The following CHKA variants were observed in gnomAD, a reference collection of about 807,000 sequenced individuals.
The protein encoded by CHKA is choline kinase alpha.
In CHKA, 34 loss-of-function variants were observed where a neutral mutation model predicts 60.1. That is an observed-to-expected ratio of 0.57 (90% CI 0.43 to 0.75). The LOEUF (loss-of-function observed/expected upper bound fraction) is 0.75, where lower values mean the gene tolerates loss of function less well. Ranked by LOEUF, CHKA falls within the 30% of genes least tolerant of loss-of-function variation. The pLI is 0.00. For missense variants in CHKA, 563 were observed against 561.3 expected, an observed-to-expected ratio of 1.00 and a Z score of -0.03; for synonymous variants, 217 against 223.1, an observed-to-expected ratio of 0.97 and a Z score of 0.24.
intron 2 of CHKA, among the ~76,000 whole-genome samples, chr11:68,085,795 A>C (rs1487937717): frequency 6.6e-6 from 1 of 151,706 alleles, no homozygotes. Context: ...ACAGCGTCTC[A>C]CTCTGTCACC....
chr11:68,088,317 A>G (rs1447369134), intron 2 of CHKA, among the ~76,000 whole-genome samples: 1 of 152,094 alleles, frequency 6.6e-6, no homozygotes, highest in East Asian at 1.9e-4. Flanking sequence ...ATTCGGATTC[A>G]ATTCAGTAGC....
intron 11 of CHKA, 61 bp from the exon 12 acceptor site, chr11:68,054,108 G>T: frequency 7.0e-7 from 1 of 1,428,758 alleles, no homozygotes; most frequent in Non-Finnish European, 9.8e-7. Flanking sequence ...CCCTGCCCAT[G>T]TGTCCCCCAA....
intron 1 of CHKA, among the ~76,000 whole-genome samples, chr11:68,099,123 C>A (rs773047990): frequency 4.6e-5 from 7 of 151,986 alleles, no homozygotes; most frequent in Non-Finnish European, 1.0e-4. Flanking sequence ...CTGTCCAGAA[C>A]AAGGAAATCT....
intron 2 of CHKA, chr11:68,081,952 C>G (rs1453087802): frequency 6.5e-6 from 1 of 153,052 alleles, no homozygotes; most frequent in Non-Finnish European, 1.5e-5. Context: ...GGCACAAAAT[C>G]TGTGCAGACA....
intron 1 of CHKA, among the ~76,000 whole-genome samples, chr11:68,117,960 C>A (rs1858454978): frequency 6.6e-6 from 1 of 152,136 alleles, no homozygotes; most frequent in South Asian, 2.1e-4. Flanking sequence ...TGGGGGAATG[C>A]AGAGTTAGAA....
chr11:68,072,692 T>A (rs1286844182), intron 4 of CHKA, among the ~76,000 whole-genome samples: 1 of 152,062 alleles, frequency 6.6e-6, no homozygotes, highest in African/African-American at 2.4e-5. Flanking sequence ...AACAGAATTT[T>A]AAAAAAATCT....
chr11:68,084,459 TA>T (rs1857115518), intron 2 of CHKA, among the ~76,000 whole-genome samples: 1 of 146,268 alleles, frequency 6.8e-6, no homozygotes, highest in East Asian at 2.0e-4. Context: ...TGTGTATATA[TA>T]TATAGGAATC....
chr11:68,081,455 C>T lies in CHKA; in HGVS notation c.465G>A (p.Arg155=). Residue 155 remains arginine (R), a splice_region_variant and synonymous_variant, in exon 3 of 12, where the codon AGG becomes AGA. Transcript: ENST00000265689. ...GTTCGGATCCCTCTTTATTACAGGA[C>T]CTCTATGAATGAGAAAAAGGAAACA... is the stretch of plus-strand genomic sequence containing the variant. ...LRLYGAILQM[R]SCNKEGSEQA... is the part of the protein sequence containing the mutation. 1 of 1,612,662 alleles carries T rather than the reference C, an allele frequency of 6.2e-7. No homozygotes were observed.
Position 68,081,395 on chromosome 11 carries a change from A to G in CHKA, c.516+9T>C. 1 of 1,611,580 alleles carries G rather than the reference A, an allele frequency of 6.2e-7. No homozygotes were observed. Among genetic ancestry groups the G allele is most frequent in the South Asian group, 1.1e-5 (1 of 91,038 alleles). On this transcript the variant is annotated intron_variant, in intron 3 of 11. Transcript: ENST00000265689. The stretch of plus-strand genomic sequence containing the variant: ...TCTCACACAGATGCAGAAAGACTGA[A>G]TTACTTACTTGAAATTCATTTTCTT...
In CHKA at chr11:68,120,843, T is replaced by A; in HGVS notation, c.335A>T (p.His112Leu). ...AWRGLREDEF[H>L]ISVIRGGLSN... ...CGCCACCGACCTGATGACACTGATG[T>A]GGAACTCGTCCTCGCGGAGGCCCCG... The change falls in exon 1 of 12, where the codon CAC (histidine) becomes CTC (leucine). Residue 112 changes from histidine to leucine, a missense_variant. Coordinates refer to ENST00000265689, the MANE Select transcript of CHKA (RefSeq NM_001277.3). The A allele has an allele frequency of 7.5e-7, 1 of 1,327,602 alleles. No homozygotes were observed. The highest frequency in any genetic ancestry group is 1.5e-5 in the African/African-American group (1 of 64,848). The allele number at this position is 1,327,602 out of a possible 1,614,324, so 82.2% of individuals were successfully genotyped here.
chr11:68,103,273 T>A (rs1232517656), intron 1 of CHKA, among the ~76,000 whole-genome samples: 2 of 152,004 alleles, frequency 1.3e-5, no homozygotes, highest in Non-Finnish European at 2.9e-5. Context: ...GAGGATCACT[T>A]GAGCCTGGGA....
intron 3 of CHKA, among the ~76,000 whole-genome samples, chr11:68,080,351 CT>C (rs1203308489): frequency 8.8e-5 from 13 of 148,092 alleles, no homozygotes; most frequent in Admixed American, 2.0e-4. Context: ...TGATTTTTTT[CT>C]TTTTTTTTTG....
Position 68,053,797 on chromosome 11 carries a change from G to C in CHKA, c.*191C>G. 1 of 522,154 alleles carries C rather than the reference G, an allele frequency of 1.9e-6. No homozygotes were observed. Among genetic ancestry groups the C allele is most frequent in the Admixed American group, 3.5e-5 (1 of 28,610 alleles). The allele number at this position is 522,154 out of a possible 1,614,324, so 32.3% of individuals were successfully genotyped here. A position where few individuals can be genotyped will look rare whatever the true frequency, so the allele number is the denominator to read the frequency against. ...CCCGATCTCGTTTCTGAGTCCTAGT[G>C]AAATCGTAAACAAGAGATGAAATAA... On this transcript the variant is annotated 3_prime_UTR_variant, in exon 12 of 12. Coordinates refer to ENST00000265689, the MANE Select transcript of CHKA (RefSeq NM_001277.3).
At chr11:68,114,486 AG>A (rs1217512603) in intron 1 of CHKA, among the ~76,000 whole-genome samples, 2 of 152,174 alleles carry the variant, frequency 1.3e-5, no homozygotes, top group Non-Finnish European at 1.5e-5. Flanking sequence ...TGACAAGGTC[AG>A]GAGTTCGAGA....
chr11:68,097,210 G>C (rs750059329), intron 1 of CHKA, 80 bp from the exon 2 acceptor site: 1 of 1,046,524 alleles, frequency 9.6e-7, no homozygotes, highest in Non-Finnish European at 1.4e-6. Context: ...TGGATGAAAA[G>C]TCAGGGTTAC....
chr11:68,064,766 C>T, intron 9 of CHKA, 135 bp from the exon 10 acceptor site: 1 of 604,844 alleles, frequency 1.7e-6, no homozygotes, highest in Non-Finnish European at 2.9e-6. Context: ...TCTCCGACAT[C>T]CTGGGGCTGG....
At chr11:68,085,925 G>C (rs369054212) in intron 2 of CHKA, among the ~76,000 whole-genome samples, 2 of 151,948 alleles carry the variant, frequency 1.3e-5, no homozygotes, top group East Asian at 3.9e-4. Context: ...CACCACGCCC[G>C]GCTATTTAGG....
At chr11:68,080,376 C>T (rs889511183) in intron 3 of CHKA, among the ~76,000 whole-genome samples, 7 of 151,582 alleles carry the variant, frequency 4.6e-5, no homozygotes, top group African/African-American at 1.7e-4. Flanking sequence ...TTGGTGGGGA[C>T]GACTCCTGTC....
intron 10 of CHKA, among the ~76,000 whole-genome samples, chr11:68,063,182 C>T (rs1448348391): frequency 6.6e-6 from 1 of 152,084 alleles, no homozygotes; most frequent in Non-Finnish European, 1.5e-5. Context: ...CATATGGTGG[C>T]CGCCACTCCA....
Sources: gnomAD v4.1 joint callset for allele counts (sites outside exome capture counted in the v4.1 genomes callset) on GRCh38, gnomAD v4.1.1 for gene constraint, MANE v1.5 for transcripts, NCBI Gene and HGNC (gene_info 2026-07-23, HGNC 2026-07-21) for gene names.